The following GABRA5 variants were observed in gnomAD, a reference collection of about 807,000 sequenced individuals.
The protein encoded by GABRA5 is gamma-aminobutyric acid type A receptor subunit alpha5.
Under a neutral mutation model 47.3 loss-of-function variants are expected in GABRA5, and 18 were observed. The observed-to-expected ratio is 0.38, with a 90% confidence interval of 0.26 to 0.56. The LOEUF (loss-of-function observed/expected upper bound fraction) is 0.56, where lower values mean the gene tolerates loss of function less well. Among genes scored for constraint, GABRA5 ranks in the 20% least tolerant of loss-of-function variants. The pLI is 0.71. For synonymous variants in GABRA5, 237 were observed against 229.3 expected, an observed-to-expected ratio of 1.03 and a Z score of -0.30; for missense variants, 365 against 599.3, an observed-to-expected ratio of 0.61 and a Z score of 4.08.
At chr15:26,870,603 C>T (rs1485720676) in intron 3 of GABRA5, among the ~76,000 whole-genome samples, 1 of 152,190 alleles carries the variant, frequency 6.6e-6, no homozygotes, top group Non-Finnish European at 1.5e-5. Context: ...TTGGCCGTGG[C>T]TCTTGCCTTG....
At chr15:26,944,912 G>T (rs903591775) in intron 10 of GABRA5, among the ~76,000 whole-genome samples, 1 of 152,138 alleles carries the variant, frequency 6.6e-6, no homozygotes, top group Non-Finnish European at 1.5e-5. Flanking sequence ...GCCCCCGGGT[G>T]AATGGAGAGA....
At chr15:26,926,415 A>C (rs1893963448) in intron 7 of GABRA5, among the ~76,000 whole-genome samples, 1 of 152,202 alleles carries the variant, frequency 6.6e-6, no homozygotes, top group African/African-American at 2.4e-5. Context: ...GTTAGGTTAG[A>C]TGGAAATAAT....
intron 7 of GABRA5, among the ~76,000 whole-genome samples, chr15:26,933,942 T>C (rs1244432287): frequency 2.6e-5 from 4 of 152,188 alleles, no homozygotes; most frequent in East Asian, 1.9e-4. Flanking sequence ...GATGGTGTCA[T>C]TGGGGTGCTG....
intron 3 of GABRA5, among the ~76,000 whole-genome samples, chr15:26,872,458 G>A (rs775292357): frequency 4.6e-5 from 7 of 152,166 alleles, no homozygotes; most frequent in African/African-American, 1.7e-4. Flanking sequence ...TTGCAGGGTA[G>A]CCCTGGATCA....
chr15:26,883,595 G>A lies in GABRA5; in HGVS notation c.497+38G>A, dbSNP rs1455722506. ...CGGGGGCGGGCGGGGCCGGGGGACG[G>A]TGCGGGGCAGGCGCGGCTGCCCATC... On this transcript the variant is annotated intron_variant, in intron 6 of 10. Coordinates refer to ENST00000335625, the MANE Select transcript of GABRA5 (RefSeq NM_000810.4). The surrounding 1 kb of genome is among the most constrained non-coding windows in gnomAD (Gnocchi z 4.8). 2 of 1,459,350 alleles carry A rather than the reference G, an allele frequency of 1.4e-6. No individual in the cohort carries two copies. Among genetic ancestry groups the A allele is most frequent in the Non-Finnish European group, 9.3e-7 (1 of 1,080,878 alleles). The allele number at this position is 1,459,350 out of a possible 1,614,324, so 90.4% of individuals were successfully genotyped here.
chr15:26,927,329 G>T (rs140780078), intron 7 of GABRA5, among the ~76,000 whole-genome samples: 25 of 151,092 alleles, frequency 1.7e-4, no homozygotes, highest in African/African-American at 6.1e-4. Context: ...GGGCAGCCTG[G>T]TCTTGAACTC....
rs1438206022 is a variant in GABRA5 at position 26,883,333 on chromosome 15, C to G, written c.277-4C>G. ...TGACTGCCTCGTGCCTTCCTTTCCACTAGGAGTACACCATAGACGTGTTTT... is the reference window on the plus strand; with the variant it reads ...TGACTGCCTCGTGCCTTCCTTTCCAGTAGGAGTACACCATAGACGTGTTTT... On this transcript the variant is annotated splice_polypyrimidine_tract_variant and splice_region_variant and intron_variant, in intron 5 of 10. Coordinates refer to ENST00000335625, the MANE Select transcript of GABRA5 (RefSeq NM_000810.4). This position sits in a 1 kb window ranked among gnomAD's most constrained non-coding sequence, Gnocchi z 4.8. The G allele has an allele frequency of 6.2e-7, 1 of 1,613,834 alleles. No individual in the cohort carries two copies. Among genetic ancestry groups the G allele is most frequent in the Non-Finnish European group, 8.5e-7 (1 of 1,179,832 alleles).
rs1480744288 is a variant in GABRA5, at chr15:26,912,731, G to C, written c.498-2072G>C. On this transcript the variant is annotated intron_variant, in intron 6 of 10. Coordinates refer to ENST00000335625, the MANE Select transcript of GABRA5 (RefSeq NM_000810.4). Reference sequence around the variant, plus strand: ...GGGAAGTACTTCTGTTCTAGTGTTAGGTATAAACAAGACTGACTTTTATAT... The same window carrying C: ...GGGAAGTACTTCTGTTCTAGTGTTACGTATAAACAAGACTGACTTTTATAT... 2.6e-5 allele frequency among the ~76,000 whole-genome samples: 4 copies of C among 152,050 alleles called. No individual in the cohort carries two copies. The East Asian group carries it at 5.8e-4, about 22-fold the overall frequency.
chr15:26,907,562 C>G (rs1893474457), intron 6 of GABRA5, among the ~76,000 whole-genome samples: 1 of 152,104 alleles, frequency 6.6e-6, no homozygotes, highest in Non-Finnish European at 1.5e-5. Flanking sequence ...TCACAATGGC[C>G]AGGCACTGAA....
intron 8 of GABRA5, chr15:26,939,221 G>T: frequency 1.3e-6 from 1 of 764,766 alleles, no homozygotes; most frequent in South Asian, 1.3e-5. Context: ...CACAGCTCCC[G>T]ACCTCAGCTC....
At chr15:26,866,903 G>A (rs992131156), upstream of GABRA5, 22 of 152,302 alleles carry the variant, frequency 1.4e-4, no homozygotes, top group African/African-American at 3.6e-4. Flanking sequence ...GTGACTACAC[G>A]AGGCGCCGAA....
At chr15:26,908,024 A>C (rs1038985400) in intron 6 of GABRA5, among the ~76,000 whole-genome samples, 3 of 152,208 alleles carry the variant, frequency 2.0e-5, no homozygotes, top group African/African-American at 4.8e-5. Context: ...GGCATCAGGC[A>C]GGGCTCATGG....
chr15:26,935,080 T>C (rs1470936108), intron 7 of GABRA5, among the ~76,000 whole-genome samples: 1 of 152,170 alleles, frequency 6.6e-6, no homozygotes, highest in African/African-American at 2.4e-5. Flanking sequence ...GCCACACTGC[T>C]GACACAGAGA....
rs1454384854 is a variant in GABRA5 at position 26,948,207 on chromosome 15, AT to A, written c.1364del (p.Ile455LysfsTer55). 3.1e-6 allele frequency: 5 copies of A among 1,612,752 alleles called. No homozygotes were observed. Among genetic ancestry groups the A allele is most frequent in the Non-Finnish European group, 4.2e-6 (5 of 1,179,658 alleles). On this transcript the variant is annotated frameshift_variant, in exon 11 of 11. Coordinates refer to ENST00000335625, the MANE Select transcript of GABRA5 (RefSeq NM_000810.4). LOFTEE classifies it high-confidence loss of function. The stretch of plus-strand genomic sequence containing the variant: ...AACGTATTTGAATAGGGAGCCGGTG[AT>A]AAAAGGAGCCGCCTCTCCAAAATAA... ...WATYLNREPVIKGAASPK is the reference protein window; with the variant it reads ...WATYLNREPVXKGAASPK
Position 26,897,271 on chromosome 15 carries a change from A to C in GABRA5, c.497+13714A>C, listed in dbSNP as rs928109268. ...GAAGTAATTAAATGAATTTGAGGTC[A>C]TTAGGAAGGGCCCTCATCCAATATA... On this transcript the variant is annotated intron_variant, in intron 6 of 10. Transcript: ENST00000335625. 4.6e-5 allele frequency among the ~76,000 whole-genome samples: 7 copies of C among 152,244 alleles called. No homozygotes were observed. In the East Asian group the frequency reaches 1.4e-3, roughly 29 times the overall value.
intron 3 of GABRA5, among the ~76,000 whole-genome samples, chr15:26,877,452 A>G (rs1374611118): frequency 6.6e-6 from 1 of 152,228 alleles, no homozygotes; most frequent in Non-Finnish European, 1.5e-5. Flanking sequence ...ATACTGGGGA[A>G]GAACAAAGTT....
chr15:26,892,126 A>C (rs1171358844), intron 6 of GABRA5, among the ~76,000 whole-genome samples: 1 of 152,262 alleles, frequency 6.6e-6, no homozygotes, highest in Non-Finnish European at 1.5e-5. Context: ...CTCCGTGCCC[A>C]AAGTGTTTCC....
At chr15:26,895,826 A>AAG (rs1555390758) in intron 6 of GABRA5, among the ~76,000 whole-genome samples, 39 of 136,056 alleles carry the variant, frequency 2.9e-4, no homozygotes, top group Admixed American at 1.1e-3. Flanking sequence ...AAAAAAAAAA[A>AAG]AAGAAGAAGA....
chr15:26,893,365 TAGCGTGTGGCGGGACTATATGGA>T (rs1893074747), intron 6 of GABRA5, among the ~76,000 whole-genome samples: 1 of 1,006 alleles, frequency 9.9e-4, no homozygotes, highest in Non-Finnish European at 1.9e-3. Context: ...GTATGGTGTG[TAGCGTGTGGCGGGACTATATGGA>T]GTATGTGTAT....
Sources: allele counts gnomAD v4.1 joint callset (sites outside exome capture counted in the v4.1 genomes callset), GRCh38; gene constraint gnomAD v4.1.1; non-coding constraint Gnocchi (gnomAD v3.1); transcripts MANE v1.5; gene names NCBI Gene and HGNC (gene_info 2026-07-23, HGNC 2026-07-21).